The following C11orf71 variants were observed in gnomAD, a reference collection of about 807,000 sequenced individuals.
C11orf71 encodes the protein uncharacterized protein C11orf71.
For synonymous variants in C11orf71, 72 were observed against 73.4 expected (o/e 0.98, Z 0.09); for missense variants, 179 against 167.6 (o/e 1.07, Z -0.38).
downstream of C11orf71, among the ~76,000 whole-genome samples, chr11:114,394,228 C>CTTTTCTTTTCTTTTCT: frequency 3.3e-3 from 160 of 48,648 alleles, 5 homozygotes; most frequent in East Asian, 5.1e-3. Flanking sequence ...CTTTTCTTTT[C>CTTTTCTTTTCTTTTCT]TTTCTTTTCT....
Position 114,399,817 on chromosome 11 carries a change from T to A in C11orf71, c.*143A>T. 8.5e-7 allele frequency: 1 copy of A among 1,182,890 alleles called. No individual in the cohort carries two copies. The highest frequency in any genetic ancestry group is 1.1e-6 in the Non-Finnish European group (1 of 871,058). The allele number at this position is 1,182,890 out of a possible 1,614,324, so 73.3% of individuals were successfully genotyped here. On this transcript the variant is annotated 3_prime_UTR_variant, in exon 1 of 1. Coordinates refer to ENST00000623205, the MANE Select transcript of C11orf71 (RefSeq NM_001271562.2). ...TCAACTGTTACACTTCCCTTAGTGC[T>A]AGGACATATTCATATAACTCCCACG...
chr11:114,396,040 C>G (rs910059363), downstream of C11orf71, among the ~76,000 whole-genome samples: 2 of 152,116 alleles, frequency 1.3e-5, no homozygotes, highest in Non-Finnish European at 2.9e-5. Flanking sequence ...ACTACAGGCC[C>G]GACCAATCGT....
rs1178611176 is a variant in C11orf71 at position 114,400,474 on chromosome 11, G to A, written c.-143C>T. 10 of 1,304,448 alleles carry A rather than the reference G, an allele frequency of 7.7e-6. No individual in the cohort carries two copies. The highest frequency in any genetic ancestry group is 3.0e-5 in the African/African-American group (2 of 66,902). 80.8% of individuals were successfully genotyped at this position (1,304,448 alleles called of 1,614,324 possible). ...AACTGAGCCTGCGGAAGAGCCAGAAGCCGCCTTGCCTTTAACGAGGGGTAT... is the reference window on the plus strand; with the variant it reads ...AACTGAGCCTGCGGAAGAGCCAGAAACCGCCTTGCCTTTAACGAGGGGTAT... On this transcript the variant is annotated 5_prime_UTR_variant, in exon 1 of 1. Coordinates refer to ENST00000623205, the MANE Select transcript of C11orf71 (RefSeq NM_001271562.2).
chr11:114,395,065 C>G (rs1160855986), downstream of C11orf71, among the ~76,000 whole-genome samples: 2 of 151,814 alleles, frequency 1.3e-5, no homozygotes, highest in Non-Finnish European at 2.9e-5. Flanking sequence ...TCATTCAACA[C>G]GCATTCATTA....
chr11:114,394,287 C>CT (rs1405828880), downstream of C11orf71, among the ~76,000 whole-genome samples: 73 of 71,336 alleles, frequency 1.0e-3, 4 homozygotes, highest in African/African-American at 2.0e-3. Flanking sequence ...CTTTTCTTTT[C>CT]TCTTATTTTC....
rs1401918649 is a variant in C11orf71, at chr11:114,399,658, T to A, written c.*302A>T. The A allele has an allele frequency of 6.1e-6, 2 of 325,368 alleles. No individual in the cohort carries two copies. Among genetic ancestry groups the A allele is most frequent in the African/African-American group, 2.1e-5 (1 of 47,278 alleles). The allele number at this position is 325,368 out of a possible 1,614,324, so 20.2% of individuals were successfully genotyped here. A position where few individuals can be genotyped will look rare whatever the true frequency, so the allele number is the denominator to read the frequency against. On this transcript the variant is annotated 3_prime_UTR_variant, in exon 1 of 1. Coordinates refer to ENST00000623205, the MANE Select transcript of C11orf71 (RefSeq NM_001271562.2). ...CAGAAGTAAAGGTAAAGGTTAAGTG[T>A]CTGAGTTAACGAATGGATTGTTGAC...
chr11:114,391,941 A>G (rs1946076246), intron 1 of C11orf71, among the ~76,000 whole-genome samples: 1 of 152,056 alleles, frequency 6.6e-6, no homozygotes. Flanking sequence ...AAGCATGGGA[A>G]TGCAAAACAC....
downstream of C11orf71, among the ~76,000 whole-genome samples, chr11:114,394,287 C>CTGT (rs1405828880): frequency 2.9e-4 from 21 of 71,346 alleles, no homozygotes; most frequent in African/African-American, 1.4e-3. Flanking sequence ...CTTTTCTTTT[C>CTGT]TCTTATTTTC....
rs1216818412 is a variant in C11orf71 at position 114,400,301 on chromosome 11, C to T, written c.31G>A (p.Gly11Ser). Residue 11 changes from glycine (G) to serine (S), a missense_variant, in exon 1 of 1, where the codon GGT becomes AGT. Transcript: ENST00000623205. ...TAGGCCACCCTGCTCCTCTGATCAC[C>T]GGAGGACAGGGACACATTGTTCAGG... MALNNVSLSS[G>S]DQRSRVAYRS... 6.2e-7 allele frequency: 1 copy of T among 1,609,708 alleles called. No homozygotes were observed.
At chr11:114,394,186 T>G (rs1350199402), downstream of C11orf71, among the ~76,000 whole-genome samples, 2 of 43,382 alleles carry the variant, frequency 4.6e-5, no homozygotes, top group African/African-American at 2.1e-4. Context: ...TTCGTTTCTT[T>G]TCTTTTCTTT....
In C11orf71 at chr11:114,392,529, CAAAAAA is replaced by C. The variant is rs386374967; in HGVS notation, c.344-870_344-865del. ...CTCCAGCCTAGGTGATAGAATGAGACAAAAAAAAAAAAAAAAAAAAAGAAGAAGAAG... is the reference window on the plus strand; with the variant it reads ...CTCCAGCCTAGGTGATAGAATGAGACAAAAAAAAAAAAAAAGAAGAAGAAG... On this transcript the variant is annotated intron_variant, in intron 1 of 1. Coordinates refer to the C11orf71 transcript ENST00000325636. Among the ~76,000 whole-genome samples the C allele has an allele frequency of 5.4e-3, 278 of 51,698 alleles. 1 individual carries two copies. Among genetic ancestry groups the C allele is most frequent in the African/African-American group, 0.015 (188 of 12,948 alleles). 33.9% of individuals were successfully genotyped at this position (51,698 alleles called of 152,430 possible). A position where few individuals can be genotyped will look rare whatever the true frequency, so the allele number is the denominator to read the frequency against.
downstream of C11orf71, among the ~76,000 whole-genome samples, chr11:114,394,174 G>GTTTCTTCTTTTCTTTTTTTTCTTTTCT (rs1187890536): frequency 1.8e-4 from 14 of 77,518 alleles, no homozygotes; most frequent in African/African-American, 5.0e-4. Context: ...TAGAGACGGG[G>GTTTCTTCTTTTCTTTTTTTTCTTTTCT]TTTCGTTTCT....
chr11:114,396,399 T>G (rs1021897031), downstream of C11orf71, among the ~76,000 whole-genome samples: 1 of 152,238 alleles, frequency 6.6e-6, no homozygotes, highest in African/African-American at 2.4e-5. Flanking sequence ...AGGTGTATCT[T>G]GTATTTCTAG....
downstream of C11orf71, among the ~76,000 whole-genome samples, chr11:114,397,761 G>C (rs1946140056): frequency 6.6e-6 from 1 of 151,986 alleles, no homozygotes; most frequent in Non-Finnish European, 1.5e-5. Flanking sequence ...TGCATATTTA[G>C]TGCTGAATCA....
At chr11:114,394,232 CTTTT>C (rs1565256521), downstream of C11orf71, among the ~76,000 whole-genome samples, 6 of 33,788 alleles carry the variant, frequency 1.8e-4, no homozygotes, top group Admixed American at 4.4e-4. Flanking sequence ...TCTTTTCTTT[CTTTT>C]CTTTTCTTTT....
downstream of C11orf71, among the ~76,000 whole-genome samples, chr11:114,398,273 T>C (rs1381612442): frequency 6.6e-6 from 1 of 152,210 alleles, no homozygotes; most frequent in Non-Finnish European, 1.5e-5. Flanking sequence ...AACTAACTTC[T>C]TTTTAGTTAT....
At position 114,400,299 on chromosome 11, in the gene C11orf71, A is replaced by T; in HGVS notation, c.33T>A (p.Gly11=). Residue 11 remains glycine (G), a synonymous_variant, in exon 1 of 1, where the codon GGT becomes GGA. Transcript: ENST00000623205. The stretch of plus-strand genomic sequence containing the variant: ...GGTAGGCCACCCTGCTCCTCTGATC[A>T]CCGGAGGACAGGGACACATTGTTCA... MALNNVSLSS[G]DQRSRVAYRS... 6.2e-7 allele frequency: 1 copy of T among 1,609,680 alleles called. No homozygotes were observed. The highest frequency in any genetic ancestry group is 8.5e-7 in the Non-Finnish European group (1 of 1,178,114).
chr11:114,396,707 G>T (rs946535714), downstream of C11orf71, among the ~76,000 whole-genome samples: 1 of 152,216 alleles, frequency 6.6e-6, no homozygotes, highest in African/African-American at 2.4e-5. Context: ...CATACATTTT[G>T]TTGGCTAGAA....
At chr11:114,397,966 T>C (rs1324147656), downstream of C11orf71, among the ~76,000 whole-genome samples, 3 of 152,208 alleles carry the variant, frequency 2.0e-5, no homozygotes, top group African/African-American at 7.2e-5. Context: ...CATAGGATTA[T>C]ATACTAAATG....
Sources: allele counts gnomAD v4.1 joint callset (sites outside exome capture counted in the v4.1 genomes callset), GRCh38; gene constraint gnomAD v4.1.1; transcripts MANE v1.5; gene names NCBI Gene and HGNC (gene_info 2026-07-23, HGNC 2026-07-21).